The following INPP5K variants were observed in gnomAD, a reference collection of about 807,000 sequenced individuals.
INPP5K encodes the protein inositol polyphosphate-5-phosphatase K.
A neutral mutation model predicts 53.5 loss-of-function variants in INPP5K; 35 were observed. The observed-to-expected ratio is 0.65, with a 90% confidence interval of 0.50 to 0.87. INPP5K has a LOEUF of 0.87. Ranked by LOEUF, INPP5K falls within the 40% of genes least tolerant of loss-of-function variation. INPP5K has a pLI of 0.00. For synonymous variants in INPP5K, 253 were observed against 232.8 expected (o/e 1.09, Z -0.79); for missense variants, 550 against 586.2 (o/e 0.94, Z 0.64).
At chr17:1,515,881 G>T in intron 1 of INPP5K, 2 of 980,438 alleles carry the variant, frequency 2.0e-6, no homozygotes, top group Admixed American at 1.2e-4. Context: ...TCTTTTCCCA[G>T]ACTCACTCTA....
rs929646948 is a variant in INPP5K at position 1,501,594 on chromosome 17, G to T, written c.777-3472C>A. On this transcript the variant is annotated intron_variant, in intron 7 of 11. Coordinates refer to ENST00000421807, the MANE Select transcript of INPP5K (RefSeq NM_016532.4). ...CCCTGGTCTGCCTGTTGGCTCCTTGGGTCATTTCCAATCTTTCACTCTTCT... is the reference window on the plus strand; with the variant it reads ...CCCTGGTCTGCCTGTTGGCTCCTTGTGTCATTTCCAATCTTTCACTCTTCT... 3.9e-5 allele frequency among the ~76,000 whole-genome samples: 6 copies of T among 152,292 alleles called. No individual in the cohort carries two copies. The South Asian group carries it at 1.0e-3, about 26-fold the overall frequency.
chr17:1,510,185 G>A (rs1240560882), intron 3 of INPP5K, among the ~76,000 whole-genome samples: 1 of 152,188 alleles, frequency 6.6e-6, no homozygotes, highest in South Asian at 2.1e-4. Context: ...AGATGCTGTG[G>A]GGATTATCTG....
At chr17:1,512,502 C>T (rs1163976585) in intron 3 of INPP5K, among the ~76,000 whole-genome samples, 4 of 152,160 alleles carry the variant, frequency 2.6e-5, no homozygotes, top group African/African-American at 4.8e-5. Flanking sequence ...CCCAGGCAAA[C>T]TAGGCTGACA....
At chr17:1,509,880 C>T (rs946036066) in intron 3 of INPP5K, 81 bp from the exon 4 acceptor site, 1 of 781,118 alleles carries the variant, frequency 1.3e-6, no homozygotes, top group African/African-American at 1.7e-5. Context: ...GCTAGGGACT[C>T]TAGAGAGCCC....
At chr17:1,511,531 C>T (rs1439145198) in intron 3 of INPP5K, among the ~76,000 whole-genome samples, 1 of 152,178 alleles carries the variant, frequency 6.6e-6, no homozygotes, top group East Asian at 1.9e-4. Context: ...GCCACGAGCC[C>T]TGGCATAGCG....
chr17:1,499,909 G>A (rs545189646), intron 7 of INPP5K, among the ~76,000 whole-genome samples: 2 of 152,270 alleles, frequency 1.3e-5, no homozygotes, highest in Non-Finnish European at 2.9e-5. Flanking sequence ...TCTATTGATC[G>A]ATCGACAGGT....
chr17:1,495,706 G>A lies in INPP5K; in HGVS notation c.*117C>T, dbSNP rs1358427315. 1 of 696,446 alleles carries A rather than the reference G, an allele frequency of 1.4e-6. No homozygotes were observed. The highest frequency in any genetic ancestry group is 1.8e-5 in the African/African-American group (1 of 55,190). The allele number at this position is 696,446 out of a possible 1,614,324, so 43.1% of individuals were successfully genotyped here. On this transcript the variant is annotated 3_prime_UTR_variant, in exon 12 of 12. Coordinates refer to ENST00000421807, the MANE Select transcript of INPP5K (RefSeq NM_016532.4). ...GAGCTCACTCTGGGAGGAGTATGTG[G>A]ACGACACTTGGCTGTCTCTTCAGGG...
chr17:1,507,315 C>A (rs2075182462), intron 6 of INPP5K: 2 of 550,950 alleles, frequency 3.6e-6, no homozygotes, highest in African/African-American at 1.9e-5. Context: ...CAGCTGTCTG[C>A]CGTTTCCCAG....
At chr17:1,497,908 G>C (rs1355144884) in intron 8 of INPP5K, 28 bp downstream of exon 8, 2 of 1,592,114 alleles carry the variant, frequency 1.3e-6, no homozygotes, top group Non-Finnish European at 1.7e-6. Context: ...TATTCCTCTG[G>C]CAAGTATCAG....
At position 1,498,037 on chromosome 17, in the gene INPP5K, G is replaced by C; in HGVS notation, c.862C>G (p.Pro288Ala). 6.2e-7 allele frequency: 1 copy of C among 1,614,132 alleles called. No individual in the cohort carries two copies. The highest frequency in any genetic ancestry group is 8.5e-7 in the Non-Finnish European group (1 of 1,179,972). ...QPCAGPDTPI[P>A]PASHFSLSLR... ...GACAAGGAGAAGTGTGACGCCGGCG[G>C]TATGGGAGTGTCGGGGCCAGCACAG... is the stretch of plus-strand genomic sequence containing the variant. Residue 288 changes from proline to alanine, a missense_variant, in exon 8 of 12, where the codon CCG (proline) becomes GCG (alanine). Transcript: ENST00000421807.
At chr17:1,506,865 A>T in intron 7 of INPP5K, 115 bp downstream of exon 7, 1 of 700,284 alleles carries the variant, frequency 1.4e-6, no homozygotes, top group Non-Finnish European at 2.5e-6. Context: ...TGGAGAGGGG[A>T]TGACTAGACC....
chr17:1,502,030 A>T (rs568145267), intron 7 of INPP5K, among the ~76,000 whole-genome samples: 1 of 145,156 alleles, frequency 6.9e-6, no homozygotes, highest in Admixed American at 6.9e-5. Context: ...GCAAGACTCC[A>T]TCTCAAAAAA....
In INPP5K at chr17:1,508,109, G is replaced by C. The variant is rs367689627; in HGVS notation, c.666+6C>G. On this transcript the variant is annotated splice_donor_region_variant and intron_variant, in intron 6 of 11. Transcript: ENST00000421807. ...CACCCCCTGGGACCCTCCCCTCACTGGATACCTGGTCCTTCTCCCACAGGC... is the reference window on the plus strand; with the variant it reads ...CACCCCCTGGGACCCTCCCCTCACTCGATACCTGGTCCTTCTCCCACAGGC... The C allele has an allele frequency of 6.4e-5, 103 of 1,603,908 alleles. No individual in the cohort carries two copies. In the African/African-American group the frequency reaches 1.2e-3, roughly 19 times the overall value.
chr17:1,506,717 C>T (rs1397264785), intron 7 of INPP5K, among the ~76,000 whole-genome samples: 3 of 152,170 alleles, frequency 2.0e-5, no homozygotes, highest in Non-Finnish European at 4.4e-5. Context: ...CCACCCTCTC[C>T]TCTGGTTCTA....
rs560700430 is a variant in INPP5K, at chr17:1,516,594, C to T, written c.-95G>A. 7.1e-5 allele frequency: 101 copies of T among 1,425,588 alleles called. No homozygotes were observed. The East Asian group carries it at 2.4e-3, about 34-fold the overall frequency. 88.3% of individuals were successfully genotyped at this position (1,425,588 alleles called of 1,614,324 possible). On this transcript the variant is annotated 5_prime_UTR_variant, in exon 1 of 12. Transcript: ENST00000421807. ...AGCCCTGCGGGCGGCCGGTCTCACG[C>T]GCCTAGCTGTCGCGGACTGTTTTTC...
Position 1,495,829 on chromosome 17 carries a change from C to A in INPP5K, c.1341G>T (p.Gln447His). 1.2e-6 allele frequency: 2 copies of A among 1,612,832 alleles called. No individual in the cohort carries two copies. The highest frequency in any genetic ancestry group is 1.7e-4 in the Middle Eastern group (1 of 6,028). ...GATTCACTCCCATCCTGGCTCAGAT[C>A]TGTGGCTGTGCTTCACCCAGTGGGT... ...REDPLGEAQP[Q>H]I Residue 447 changes from glutamine (Q) to histidine (H), a missense_variant, in exon 12 of 12, where the codon CAG (glutamine) becomes CAT (histidine). Gln to His is a conservative substitution (Grantham distance 24, BLOSUM62 0). Coordinates refer to ENST00000421807, the MANE Select transcript of INPP5K (RefSeq NM_016532.4).
At chr17:1,501,006 T>C (rs1231104423) in intron 7 of INPP5K, among the ~76,000 whole-genome samples, 2 of 150,852 alleles carry the variant, frequency 1.3e-5, no homozygotes, top group Non-Finnish European at 2.9e-5. Context: ...TCGCCCAGGC[T>C]GGAGTGCAGT....
At chr17:1,504,847 A>G (rs2075116434) in intron 7 of INPP5K, among the ~76,000 whole-genome samples, 1 of 152,198 alleles carries the variant, frequency 6.6e-6, no homozygotes, top group South Asian at 2.1e-4. Context: ...CTTGCTGGCA[A>G]GGATGACCAT....
At chr17:1,515,728 G>C (rs2075418285) in intron 1 of INPP5K, 1 of 614,518 alleles carries the variant, frequency 1.6e-6, no homozygotes, top group Non-Finnish European at 2.0e-6. Context: ...GCAACTTCCT[G>C]TCCCTCCCTG....
Sources: gnomAD v4.1 joint callset for allele counts (sites outside exome capture counted in the v4.1 genomes callset) on GRCh38, gnomAD v4.1.1 for gene constraint, MANE v1.5 for transcripts, NCBI Gene and HGNC (gene_info 2026-07-23, HGNC 2026-07-21) for gene names.